The following NIBAN3 variants were observed in gnomAD, a reference collection of about 807,000 sequenced individuals.
NIBAN3 encodes the protein protein Niban 3.
In NIBAN3, 66 loss-of-function variants were observed where a neutral mutation model predicts 76.4. The ratio of observed to expected loss-of-function variants is 0.86; its 90% CI spans 0.71 to 1.06. NIBAN3 has a LOEUF of 1.06. Ranked by LOEUF, NIBAN3 falls within the 50% of genes least tolerant of loss-of-function variation. The pLI is 0.00. For synonymous variants in NIBAN3, 360 were observed against 355.2 expected, an observed-to-expected ratio of 1.01 and a Z score of -0.15; for missense variants, 808 against 810.7, an observed-to-expected ratio of 1.00 and a Z score of 0.04.
chr19:17,553,115 G>A lies in NIBAN3; in HGVS notation c.*1217G>A. On this transcript the variant is annotated 3_prime_UTR_variant, in exon 15 of 15. Transcript: ENST00000599164. ...AAATATGTTGATTAGCCATTTACATGTTTGTAGTTTTTTTTTTTTTAATTT... is the reference window on the plus strand; with the variant it reads ...AAATATGTTGATTAGCCATTTACATATTTGTAGTTTTTTTTTTTTTAATTT... 1 of 768,032 alleles carries A rather than the reference G, an allele frequency of 1.3e-6. No homozygotes were observed. The highest frequency in any genetic ancestry group is 3.1e-5 in the East Asian group (1 of 32,122). 47.6% of individuals were successfully genotyped at this position (768,032 alleles called of 1,614,324 possible). A position where few individuals can be genotyped will look rare whatever the true frequency, so the allele number is the denominator to read the frequency against.
At chr19:17,529,210 G>T (rs929433422) in intron 1 of NIBAN3, among the ~76,000 whole-genome samples, 1 of 152,186 alleles carries the variant, frequency 6.6e-6, no homozygotes, top group Non-Finnish European at 1.5e-5. Context: ...ATGGGGCTGG[G>T]GGGGCATTGT....
In NIBAN3 at chr19:17,530,889, G is replaced by A; in HGVS notation, c.186+4G>A. 1.2e-6 allele frequency: 2 copies of A among 1,612,506 alleles called. No individual in the cohort carries two copies. The highest frequency in any genetic ancestry group is 1.1e-5 in the South Asian group (1 of 91,016). ...AAGCCAGTTGCTACGCAGCAAAGTG[G>A]GTGTTGTGGGGGCAGAGGACGTTTG... On this transcript the variant is annotated splice_donor_region_variant and intron_variant, in intron 2 of 14. Transcript: ENST00000599164.
chr19:17,524,956 A>T (rs1014812719), upstream of NIBAN3, among the ~76,000 whole-genome samples: 28 of 152,242 alleles, frequency 1.8e-4, no homozygotes, highest in African/African-American at 6.8e-4. Context: ...AGTCTGGAAG[A>T]TGAGTCTCCA....
chr19:17,533,867 C>T (rs975099680), intron 4 of NIBAN3, among the ~76,000 whole-genome samples, 166 bp downstream of exon 4: 1 of 152,112 alleles, frequency 6.6e-6, no homozygotes, highest in African/African-American at 2.4e-5. Flanking sequence ...ACCCTGGGTG[C>T]GACAACCACC....
At chr19:17,531,346 C>T (rs1392802911) in intron 2 of NIBAN3, among the ~76,000 whole-genome samples, 33 of 150,134 alleles carry the variant, frequency 2.2e-4, no homozygotes, top group African/African-American at 8.1e-4. Context: ...CACACACACA[C>T]ACACACACAC....
In NIBAN3 at chr19:17,535,530, C is replaced by T. The variant is rs367856215; in HGVS notation, c.427+1829C>T. Among the ~76,000 whole-genome samples, 8 of 152,204 alleles carry T rather than the reference C, an allele frequency of 5.3e-5. No individual in the cohort carries two copies. The East Asian group carries it at 1.4e-3, about 26-fold the overall frequency. ...ATCCCAGCACTTTGGGAGGCCAAGG[C>T]GGGCAGATCACCTGAGGTCCCAGCC... On this transcript the variant is annotated intron_variant, in intron 4 of 14. Coordinates refer to ENST00000599164, the MANE Select transcript of NIBAN3 (RefSeq NM_001321827.2).
Position 17,539,417 on chromosome 19 carries a change from G to A in NIBAN3, c.782G>A (p.Gly261Glu). The A allele has an allele frequency of 6.6e-7, 1 of 1,518,354 alleles. No individual in the cohort carries two copies. Among genetic ancestry groups the A allele is most frequent in the South Asian group, 1.2e-5 (1 of 81,162 alleles). The allele number at this position is 1,518,354 out of a possible 1,614,324, so 94.1% of individuals were successfully genotyped here. ...GCCCAGACCCTTCCTGGCCTGCGGG[G>A]GGCAGGCCGCGCCCGCGCCTGGGCC... ...LRAQTLPGLR[G>E]AGRARAWAWT... The change falls in exon 7 of 15, where the codon GGG becomes GAG. Residue 261 changes from glycine (G) to glutamate (E), a missense_variant. Transcript: ENST00000599164.
At chr19:17,546,632 G>A in intron 12 of NIBAN3, 54 bp from the exon 13 acceptor site, 1 of 1,449,036 alleles carries the variant, frequency 6.9e-7, no homozygotes. Flanking sequence ...TGTGTTGTAG[G>A]CCTCTAGAGG....
Position 17,539,649 on chromosome 19 carries a change from G to T in NIBAN3, c.863G>T (p.Gly288Val). ...GCTGTCCTGGCCGGGGCCTCCGCCG[G>T]GCTCTGCGCCTTCCAGCCCGAAAAG... ...HAAVLAGASA[G>V]LCAFQPEKDE... Residue 288 changes from glycine to valine, a missense_variant, in exon 8 of 15, where the codon GGG (glycine) becomes GTG (valine). By Grantham distance (109) the Gly-to-Val change is moderately radical. Coordinates refer to ENST00000599164, the MANE Select transcript of NIBAN3 (RefSeq NM_001321827.2). 6.4e-7 allele frequency: 1 copy of T among 1,567,692 alleles called. No homozygotes were observed. Among genetic ancestry groups the T allele is most frequent in the Non-Finnish European group, 8.7e-7 (1 of 1,155,592 alleles).
intron 13 of NIBAN3, among the ~76,000 whole-genome samples, chr19:17,547,245 T>C (rs2076073122): frequency 6.7e-6 from 1 of 149,286 alleles, no homozygotes; most frequent in South Asian, 2.2e-4. Context: ...TCCCAGCTAC[T>C]CGGGAGGCTG....
intron 6 of NIBAN3, 21 bp from the exon 7 acceptor site, chr19:17,539,326 C>T (rs2075891514): frequency 6.4e-7 from 1 of 1,551,440 alleles, no homozygotes; most frequent in African/African-American, 1.4e-5. Flanking sequence ...ACCGCGGCGC[C>T]CATGGCCCCC....
intron 5 of NIBAN3, among the ~76,000 whole-genome samples, chr19:17,538,761 A>G (rs371742380): frequency 2.7e-5 from 4 of 148,332 alleles, no homozygotes; most frequent in Non-Finnish European, 4.5e-5. Flanking sequence ...AGAAAGAAAG[A>G]GAGGGAGGGA....
At chr19:17,535,046 TG>T (rs1568447512) in intron 4 of NIBAN3, among the ~76,000 whole-genome samples, 1 of 152,182 alleles carries the variant, frequency 6.6e-6, no homozygotes, top group African/African-American at 2.4e-5. Flanking sequence ...GACACAAAAA[TG>T]TAGTCTGCTG....
chr19:17,535,275 A>G (rs1253143769), intron 4 of NIBAN3, among the ~76,000 whole-genome samples: 1 of 152,134 alleles, frequency 6.6e-6, no homozygotes, highest in African/African-American at 2.4e-5. Flanking sequence ...CCCCATCTCC[A>G]CAAACATTTT....
chr19:17,536,694 C>G (rs188026593), intron 4 of NIBAN3, among the ~76,000 whole-genome samples: 2 of 152,210 alleles, frequency 1.3e-5, no homozygotes, highest in African/African-American at 4.8e-5. Context: ...CATGAGCCAC[C>G]GCGGCTGGTC....
At chr19:17,549,571 G>T (rs368377169) in intron 14 of NIBAN3, 44 bp downstream of exon 14, 53 of 1,492,532 alleles carry the variant, frequency 3.6e-5, no homozygotes, top group Non-Finnish European at 5.0e-5. Context: ...GTGATTGCTG[G>T]GGGTGGGGAG....
Position 17,540,488 on chromosome 19 carries a change from C to T in NIBAN3, c.1076C>T (p.Ser359Leu). The change falls in exon 9 of 15, where the codon TCG (serine) becomes TTG (leucine). Residue 359 changes from serine to leucine, a missense_variant. Transcript: ENST00000599164. ...VQTLLRTVEASLEAVRTLLAQ... is the reference protein window; with the variant it reads ...VQTLLRTVEALLEAVRTLLAQ... ...ACCCTGCTGCGCACCGTGGAAGCCT[C>T]GCTCGAGGCGGTGCGGACCCTCCTG... is the stretch of plus-strand genomic sequence containing the variant. 6 of 1,599,374 alleles carry T rather than the reference C, an allele frequency of 3.8e-6. No homozygotes were observed. Among genetic ancestry groups the T allele is most frequent in the South Asian group, 1.1e-5 (1 of 89,596 alleles).
At chr19:17,529,515 G>A (rs1367474499) in intron 1 of NIBAN3, among the ~76,000 whole-genome samples, 1 of 152,186 alleles carries the variant, frequency 6.6e-6, no homozygotes, top group Non-Finnish European at 1.5e-5. Flanking sequence ...ACAAGCCTTA[G>A]GGCAACAGCT....
chr19:17,539,263 G>A lies in NIBAN3; in HGVS notation c.709G>A (p.Glu237Lys), dbSNP rs868317707. Residue 237 changes from glutamate (E) to lysine (K), a missense_variant and splice_region_variant, in exon 6 of 15, where the codon GAG (glutamate) becomes AAG (lysine). Coordinates refer to ENST00000599164, the MANE Select transcript of NIBAN3 (RefSeq NM_001321827.2). Reference sequence around the variant, plus strand: ...CGACGTGACCCTAGGCTCAGACGCCGAGGTTAGTGCCCCGCGAGGCCGCAC... The same window carrying A: ...CGACGTGACCCTAGGCTCAGACGCCAAGGTTAGTGCCCCGCGAGGCCGCAC... ...DDDVTLGSDA[E>K]VLTAVLMREQ... is the part of the protein sequence containing the mutation. 6.3e-6 allele frequency: 10 copies of A among 1,598,312 alleles called. No individual in the cohort carries two copies. Among genetic ancestry groups the A allele is most frequent in the Middle Eastern group, 3.3e-4 (2 of 6,058 alleles).
Sources: allele counts gnomAD v4.1 joint callset (sites outside exome capture counted in the v4.1 genomes callset), GRCh38; gene constraint gnomAD v4.1.1; transcripts MANE v1.5; gene names NCBI Gene and HGNC (gene_info 2026-07-23, HGNC 2026-07-21).